Variants in NOS1 observed in about 807,000 individuals in gnomAD.
NOS1 encodes NOS type I.
In NOS1, 51 loss-of-function variants were observed where a neutral mutation model predicts 164.5. That is an observed-to-expected ratio of 0.31 (90% CI 0.25 to 0.39). The LOEUF is 0.39. Among genes scored for constraint, NOS1 ranks in the 10% least tolerant of loss-of-function variants. The pLI is 1.00. For synonymous variants in NOS1, 719 were observed against 745.8 expected, an observed-to-expected ratio of 0.96 and a Z score of 0.59; for missense variants, 1,362 against 1,885.6, an observed-to-expected ratio of 0.72 and a Z score of 5.14.
Position 117,234,937 on chromosome 12 carries a change from G to A in NOS1, c.3042-179C>T, listed in dbSNP as rs1352643716. Among the ~76,000 whole-genome samples the A allele has an allele frequency of 1.3e-5, 2 of 151,446 alleles. No homozygotes were observed. The highest frequency in any genetic ancestry group is 1.9e-4 in the East Asian group (1 of 5,144). On this transcript the variant is annotated intron_variant, in intron 20 of 28. Transcript: ENST00000317775. The surrounding 1 kb of genome is among the most constrained non-coding windows in gnomAD (Gnocchi z 4.3). ...TTATTATTATTATTATTATTATGGT[G>A]AGATAGGGTTTTGCTCTGTCACCCT...
At chr12:117,346,458 G>T (rs922406147) in intron 1 of NOS1, among the ~76,000 whole-genome samples, 7 of 152,148 alleles carry the variant, frequency 4.6e-5, no homozygotes, top group African/African-American at 1.7e-4. Flanking sequence ...ACCACAGAGC[G>T]AGACTCTGTC....
rs1868532241 is a variant in NOS1, at chr12:117,225,042, T to C, written c.3800A>G (p.Gln1267Arg). 6.2e-7 allele frequency: 1 copy of C among 1,614,074 alleles called. No homozygotes were observed. The highest frequency in any genetic ancestry group is 1.3e-5 in the African/African-American group (1 of 74,926). The change falls in exon 25 of 29, where the codon CAG becomes CGG. Residue 1267 changes from glutamine to arginine, a missense_variant. By Grantham distance (43) the Gln-to-Arg change is conservative (BLOSUM62 1). Coordinates refer to ENST00000317775, the MANE Select transcript of NOS1 (RefSeq NM_000620.5). The stretch of plus-strand genomic sequence containing the variant: ...TTTGTGTTGGATATCAAATTGCCGC[T>C]GTTGCCAGAAGCTTCGGAAAGGGGC... ...GIAPFRSFWQ[Q>R]RQFDIQHKGM...
chr12:117,245,634 T>C (rs548885811), intron 18 of NOS1: 2 of 152,874 alleles, frequency 1.3e-5, no homozygotes, highest in Admixed American at 6.5e-5. Flanking sequence ...GTAGTGAACG[T>C]TGTATGTGAA....
At chr12:117,255,504 TCTAAA>T (rs1360547582) in intron 16 of NOS1, among the ~76,000 whole-genome samples, 2 of 152,236 alleles carry the variant, frequency 1.3e-5, no homozygotes, top group Non-Finnish European at 2.9e-5. Context: ...TCAGGAAAGT[TCTAAA>T]TATATGTAAG....
chr12:117,271,862 G>A (rs1317271283), intron 10 of NOS1, among the ~76,000 whole-genome samples: 1 of 152,230 alleles, frequency 6.6e-6, no homozygotes, highest in Admixed American at 6.5e-5. Context: ...CCTCTGCCGA[G>A]AAATGCTTAG....
Position 117,263,575 on chromosome 12 carries a change from CTATTATTATTATTATTATTAT to C in NOS1, c.2222+293_2222+313del, listed in dbSNP as rs71099036. 4.2e-3 allele frequency among the ~76,000 whole-genome samples: 590 copies of C among 141,896 alleles called. 5 individuals are homozygous for C. The highest frequency in any genetic ancestry group is 0.012 in the African/African-American group (473 of 38,152). 93.1% of individuals were successfully genotyped at this position (141,896 alleles called of 152,430 possible). On this transcript the variant is annotated intron_variant, in intron 13 of 28. Transcript: ENST00000317775. Reference sequence around the variant, plus strand: ...GGCAAACATGAAAATCAAGGTATTACTATTATTATTATTATTATTATTATTATTATTATTATTATTATTATT... The same window carrying C: ...GGCAAACATGAAAATCAAGGTATTACTATTATTATTATTATTATTATTATT...
chr12:117,338,137 A>G lies in NOS1; in HGVS notation c.-420-6648T>C, dbSNP rs187584301. Among the ~76,000 whole-genome samples the G allele has an allele frequency of 5.5e-4, 84 of 152,184 alleles. 1 individual carries two copies. The highest frequency in any genetic ancestry group is 4.5e-3 in the Admixed American group (69 of 15,294). Reference sequence around the variant, plus strand: ...GAGGCTGAGGCAGGAGAATGACTTGAACCTGGGAGGCGGAGGTTGCAGTGA... The same window carrying G: ...GAGGCTGAGGCAGGAGAATGACTTGGACCTGGGAGGCGGAGGTTGCAGTGA... On this transcript the variant is annotated intron_variant, in intron 1 of 28. Coordinates refer to ENST00000317775, the MANE Select transcript of NOS1 (RefSeq NM_000620.5).
Position 117,311,484 on chromosome 12 carries a change from T to C in NOS1, c.834A>G (p.Pro278=), listed in dbSNP as rs1566071252. ...CACTTACCTGCTCCTTCTCTGAATA[T>C]GGGTTGTTGAGGACGACAGGCACAT... is the stretch of plus-strand genomic sequence containing the variant. ...KGNVPVVLNN[P]YSEKEQPPTS... The change falls in exon 3 of 29, where the codon CCA becomes CCG. Residue 278 remains proline (P), a synonymous_variant. Coordinates refer to ENST00000317775, the MANE Select transcript of NOS1 (RefSeq NM_000620.5). 2.5e-6 allele frequency: 4 copies of C among 1,609,774 alleles called. No homozygotes were observed. The highest frequency in any genetic ancestry group is 3.4e-6 in the Non-Finnish European group (4 of 1,178,302).
chr12:117,316,418 C>A (rs1466885715), intron 2 of NOS1, among the ~76,000 whole-genome samples: 4 of 152,148 alleles, frequency 2.6e-5, no homozygotes, highest in African/African-American at 9.7e-5. Flanking sequence ...CACGTCCACC[C>A]TTACCTTTAT....
intron 22 of NOS1, among the ~76,000 whole-genome samples, chr12:117,230,974 G>A (rs1421937609): frequency 6.6e-6 from 1 of 152,152 alleles, no homozygotes; most frequent in Non-Finnish European, 1.5e-5. Context: ...AAGGGTAGTG[G>A]GGAGGAGTGG....
chr12:117,268,953 T>C (rs939619888), intron 10 of NOS1, among the ~76,000 whole-genome samples: 5 of 152,132 alleles, frequency 3.3e-5, no homozygotes, highest in African/African-American at 1.2e-4. Context: ...GTTAAAAAAT[T>C]TAAAAAGTTA....
chr12:117,299,913 C>T (rs1873702233), intron 3 of NOS1, among the ~76,000 whole-genome samples: 2 of 151,748 alleles, frequency 1.3e-5, no homozygotes. Context: ...CATTACCAGA[C>T]CAGAATGTAT....
chr12:117,338,722 T>G (rs1875956285), intron 1 of NOS1, among the ~76,000 whole-genome samples: 1 of 152,100 alleles, frequency 6.6e-6, no homozygotes, highest in Non-Finnish European at 1.5e-5. Context: ...GGTATACCAT[T>G]AAGGTGCAAG....
chr12:117,254,429 C>T (rs1344051016), intron 16 of NOS1, among the ~76,000 whole-genome samples: 1 of 152,172 alleles, frequency 6.6e-6, no homozygotes, highest in Non-Finnish European at 1.5e-5. Flanking sequence ...TTAATGTGTA[C>T]AAGAATCATC....
intron 1 of NOS1, among the ~76,000 whole-genome samples, chr12:117,335,077 G>C (rs1875741013): frequency 1.3e-5 from 2 of 152,212 alleles, no homozygotes. Context: ...AGTAAATGCA[G>C]AGAACTTGGC....
Position 117,247,949 on chromosome 12 carries a change from AAAAAAAAAAAAGAAAAG to A in NOS1, c.2649-444_2649-428del, listed in dbSNP as rs1449493817. ...TGACAGAGCGAGACTCCGTCTAAAA[AAAAAAAAAAAAGAAAAG>A]AAAAAGAAAAGGAAGAGACACCAGA... On this transcript the variant is annotated intron_variant, in intron 17 of 28. Transcript: ENST00000317775. Among the ~76,000 whole-genome samples the A allele has an allele frequency of 3.3e-5, 5 of 150,744 alleles. No individual in the cohort carries two copies. The East Asian group carries it at 9.7e-4, about 29-fold the overall frequency.
chr12:117,349,492 G>A (rs1414599121), intron 1 of NOS1, among the ~76,000 whole-genome samples: 2 of 152,162 alleles, frequency 1.3e-5, no homozygotes, highest in Admixed American at 6.5e-5. Context: ...GTTCCCTTGT[G>A]GGGTAATGGA....
At chr12:117,293,419 C>G (rs1198866845) in intron 3 of NOS1, among the ~76,000 whole-genome samples, 1 of 152,096 alleles carries the variant, frequency 6.6e-6, no homozygotes, top group African/African-American at 2.4e-5. Context: ...CTGACTCTCC[C>G]CCATTTTAGC....
chr12:117,208,391 CGTGTGTGTGTGTGTGT>C lies in NOS1; in HGVS notation c.*6902_*6917del. 2.5e-6 allele frequency: 2 copies of C among 804,546 alleles called. No individual in the cohort carries two copies. The highest frequency in any genetic ancestry group is 3.8e-5 in the African/African-American group (2 of 52,866). The allele number at this position is 804,546 out of a possible 1,614,324, so 49.8% of individuals were successfully genotyped here. On this transcript the variant is annotated 3_prime_UTR_variant, in exon 29 of 29. Coordinates refer to ENST00000317775, the MANE Select transcript of NOS1 (RefSeq NM_000620.5). ...GGGGGGACGGCCGAGTTTCTGACAG[CGTGTGTGTGTGTGTGT>C]GTGTGTGTGTGTGTGGTGAGATGCG...
Sources: allele counts gnomAD v4.1 joint callset (sites outside exome capture counted in the v4.1 genomes callset), GRCh38; gene constraint gnomAD v4.1.1; non-coding constraint Gnocchi (gnomAD v3.1); transcripts MANE v1.5; gene names NCBI Gene and HGNC (gene_info 2026-07-23, HGNC 2026-07-21).